Variants in ZHX2 observed in about 807,000 individuals in gnomAD.
ZHX2 encodes the protein zinc fingers and homeoboxes protein 2.
ZHX2 carries 6 observed loss-of-function variants against 21.9 expected under a neutral mutation model. That is an observed-to-expected ratio of 0.27 (90% CI 0.15 to 0.54). The LOEUF (loss-of-function observed/expected upper bound fraction) is 0.54, where lower values mean the gene tolerates loss of function less well. Ranked by LOEUF, ZHX2 falls within the 20% of genes least tolerant of loss-of-function variation. ZHX2 has a pLI of 0.95. For synonymous variants in ZHX2, 434 were observed against 437.1 expected, an observed-to-expected ratio of 0.99 and a Z score of 0.09; for missense variants, 908 against 1,090.7, an observed-to-expected ratio of 0.83 and a Z score of 2.36.
intron 1 of ZHX2, among the ~76,000 whole-genome samples, chr8:122,807,245 C>A (rs1301301855): frequency 6.6e-6 from 1 of 152,074 alleles, no homozygotes; most frequent in Non-Finnish European, 1.5e-5. Flanking sequence ...ATCACTTGGG[C>A]CCTGAATAAT....
intron 2 of ZHX2, among the ~76,000 whole-genome samples, chr8:122,928,481 G>T (rs556164628): frequency 6.6e-6 from 1 of 152,082 alleles, no homozygotes; most frequent in Non-Finnish European, 1.5e-5. Context: ...CTTGGGAGAT[G>T]AGTTGGGATA....
intron 1 of ZHX2, among the ~76,000 whole-genome samples, chr8:122,831,015 A>G (rs1331088140): frequency 1.3e-5 from 2 of 152,172 alleles, no homozygotes; most frequent in Non-Finnish European, 2.9e-5. Context: ...AAGGATGTAG[A>G]GTCGCCTTGG....
rs1440921126 is a variant in ZHX2, at chr8:122,953,664, G to C, written c.2154G>C (p.Glu718Asp). ...VARKATKPMA[E>D]SPKNGGDVVP... Reference sequence around the variant, plus strand: ...GGAAAGCAACAAAACCCATGGCCGAGAGCCCAAAGAACGGGGGTGATGTGG... The same window carrying C: ...GGAAAGCAACAAAACCCATGGCCGACAGCCCAAAGAACGGGGGTGATGTGG... Residue 718 changes from glutamate (E) to aspartate (D), a missense_variant, in exon 3 of 4, where the codon GAG becomes GAC. Physicochemically the swap from Glu to Asp is conservative, Grantham distance 45. Coordinates refer to ENST00000314393, the MANE Select transcript of ZHX2 (RefSeq NM_014943.5). The surrounding 1 kb of genome is among the most constrained non-coding windows in gnomAD (Gnocchi z 4.6). 2.5e-6 allele frequency: 4 copies of C among 1,614,248 alleles called. No individual in the cohort carries two copies. Among genetic ancestry groups the C allele is most frequent in the Non-Finnish European group, 3.4e-6 (4 of 1,180,056 alleles).
At chr8:122,904,176 G>GC (rs571632007) in intron 2 of ZHX2, among the ~76,000 whole-genome samples, 148 of 152,088 alleles carry the variant, frequency 9.7e-4, no homozygotes, top group Non-Finnish European at 1.9e-3. Context: ...CCCAACAAAA[G>GC]CCCCCCCAAA....
chr8:122,804,103 T>G (rs1273310178), intron 1 of ZHX2, among the ~76,000 whole-genome samples: 1 of 152,172 alleles, frequency 6.6e-6, no homozygotes, highest in African/African-American at 2.4e-5. Context: ...TATTTGTCCA[T>G]TTATTTATAT....
chr8:122,885,918 T>A (rs1819830915), intron 2 of ZHX2, among the ~76,000 whole-genome samples: 1 of 152,196 alleles, frequency 6.6e-6, no homozygotes, highest in African/African-American at 2.4e-5. Context: ...ATCCAGACCT[T>A]TCTTCCTCTA....
chr8:122,930,821 G>A (rs1820971056), intron 2 of ZHX2, among the ~76,000 whole-genome samples: 1 of 151,928 alleles, frequency 6.6e-6, no homozygotes, highest in South Asian at 2.1e-4. Flanking sequence ...GAGGACGGGG[G>A]TGCTGGGAAT....
At chr8:122,908,347 G>A (rs906293514) in intron 2 of ZHX2, among the ~76,000 whole-genome samples, 2 of 152,198 alleles carry the variant, frequency 1.3e-5, no homozygotes, top group Non-Finnish European at 2.9e-5. Flanking sequence ...TTACAGGCGT[G>A]TGCCACCATG....
chr8:122,942,762 A>T (rs1175505835), intron 2 of ZHX2, among the ~76,000 whole-genome samples: 2 of 152,152 alleles, frequency 1.3e-5, no homozygotes, highest in African/African-American at 2.4e-5. Flanking sequence ...TGGCAGTTTG[A>T]TCCATTTTTT....
Position 122,826,636 on chromosome 8 carries a change from C to T in ZHX2, c.-282-36841C>T, listed in dbSNP as rs184812324. On this transcript the variant is annotated intron_variant, in intron 1 of 3. Transcript: ENST00000314393. ...ACAGAGGTGCAGCTTAGGGGCGGTGCTAGGGAGTGTGCTTGTTCACAGCGC... is the reference window on the plus strand; with the variant it reads ...ACAGAGGTGCAGCTTAGGGGCGGTGTTAGGGAGTGTGCTTGTTCACAGCGC... 2.6e-4 allele frequency among the ~76,000 whole-genome samples: 39 copies of T among 152,278 alleles called. 1 individual carries two copies. The East Asian group carries it at 6.9e-3, about 27-fold the overall frequency.
In ZHX2 at chr8:122,828,692, T is replaced by C. The variant is rs560658371; in HGVS notation, c.-282-34785T>C. On this transcript the variant is annotated intron_variant, in intron 1 of 3. Transcript: ENST00000314393. The surrounding 1 kb of genome is among the most constrained non-coding windows in gnomAD (Gnocchi z 5.2). ...GAAGGGACTGCTCTGAGGGAATGAG[T>C]GGTTCATTTAATCGCAGGTGTGTTC... is the stretch of plus-strand genomic sequence containing the variant. 2.6e-5 allele frequency among the ~76,000 whole-genome samples: 4 copies of C among 152,042 alleles called. No homozygotes were observed. The South Asian group carries it at 8.3e-4, about 32-fold the overall frequency.
chr8:122,813,563 G>A (rs745735550), intron 1 of ZHX2, among the ~76,000 whole-genome samples: 2 of 152,210 alleles, frequency 1.3e-5, no homozygotes, highest in Admixed American at 6.5e-5. Flanking sequence ...TATTTGAGTA[G>A]AGAAAGAAGT....
At chr8:122,934,442 A>G (rs1392250721) in intron 2 of ZHX2, among the ~76,000 whole-genome samples, 1 of 152,164 alleles carries the variant, frequency 6.6e-6, no homozygotes, top group Non-Finnish European at 1.5e-5. Flanking sequence ...TCCTCTCACC[A>G]TAATTATATT....
chr8:122,870,263 T>G (rs1457933104), intron 2 of ZHX2, among the ~76,000 whole-genome samples: 3 of 152,078 alleles, frequency 2.0e-5, no homozygotes, highest in Non-Finnish European at 4.4e-5. Context: ...GATGGAGCTG[T>G]TTGCAGGGAG....
At chr8:122,934,963 C>T (rs1384934831) in intron 2 of ZHX2, among the ~76,000 whole-genome samples, 1 of 152,212 alleles carries the variant, frequency 6.6e-6, no homozygotes, top group African/African-American at 2.4e-5. Context: ...TCTGGGATTA[C>T]AGGCGTGAGC....
chr8:122,820,869 C>T (rs1435554126), intron 1 of ZHX2, among the ~76,000 whole-genome samples: 2 of 152,200 alleles, frequency 1.3e-5, no homozygotes, highest in Non-Finnish European at 2.9e-5. Context: ...TCAAAGCCAA[C>T]GGCCAGGTGC....
At chr8:122,925,630 A>G (rs1333000036) in intron 2 of ZHX2, among the ~76,000 whole-genome samples, 1 of 152,164 alleles carries the variant, frequency 6.6e-6, no homozygotes, top group Non-Finnish European at 1.5e-5. Flanking sequence ...GGCCTTTGAT[A>G]GGAAGATTTT....
intron 2 of ZHX2, among the ~76,000 whole-genome samples, chr8:122,901,782 C>A (rs1399256059): frequency 3.3e-5 from 5 of 152,138 alleles, no homozygotes; most frequent in Admixed American, 2.0e-4. Flanking sequence ...ACTAGTAGCA[C>A]TCATATCCCA....
chr8:122,878,722 C>G (rs1359246399), intron 2 of ZHX2, among the ~76,000 whole-genome samples: 1 of 152,122 alleles, frequency 6.6e-6, no homozygotes, highest in Admixed American at 6.5e-5. Flanking sequence ...GGCAGGAATA[C>G]AGGGAACAGT....
Sources: allele counts gnomAD v4.1 joint callset (sites outside exome capture counted in the v4.1 genomes callset), GRCh38; gene constraint gnomAD v4.1.1; non-coding constraint Gnocchi (gnomAD v3.1); transcripts MANE v1.5; gene names NCBI Gene and HGNC (gene_info 2026-07-23, HGNC 2026-07-21).